CAMTA1: variants seen among roughly 807,000 people sequenced by gnomAD.
CAMTA1 encodes calmodulin-binding transcription activator 1.
In CAMTA1, 27 loss-of-function variants were observed where a neutral mutation model predicts 170.9. The observed-to-expected ratio is 0.16, with a 90% CI of 0.12 to 0.22. CAMTA1 has a LOEUF of 0.22. Among genes scored for constraint, CAMTA1 ranks in the 10% least tolerant of loss-of-function variants. The probability of loss-of-function intolerance (pLI) is 1.00; values close to 1 mark genes in which losing one functional copy is unlikely to be tolerated. For synonymous variants in CAMTA1, 833 were observed against 891.5 expected (o/e 0.93, Z 1.17); for missense variants, 1,619 against 2,217.2 (o/e 0.73, Z 5.42).
chr1:7,363,454 A>G (rs1236317771), intron 5 of CAMTA1, among the ~76,000 whole-genome samples: 1 of 151,962 alleles, frequency 6.6e-6, no homozygotes, highest in Non-Finnish European at 1.5e-5. Flanking sequence ...TCTGGGGGTG[A>G]CCTTTTGTAG....
chr1:7,684,928 G>A (rs553606139), intron 11 of CAMTA1, among the ~76,000 whole-genome samples: 13 of 152,156 alleles, frequency 8.5e-5, no homozygotes, highest in African/African-American at 2.7e-4. Context: ...TGTTGTGCAC[G>A]GGGTTCTGCC....
At chr1:7,432,880 C>T (rs1273077208) in intron 5 of CAMTA1, among the ~76,000 whole-genome samples, 1 of 152,210 alleles carries the variant, frequency 6.6e-6, no homozygotes, top group Non-Finnish European at 1.5e-5. Flanking sequence ...GCTGAGGAGA[C>T]AAGTAGCAGT....
intron 5 of CAMTA1, among the ~76,000 whole-genome samples, chr1:7,282,004 G>T (rs2149459747): frequency 6.6e-6 from 1 of 152,248 alleles, no homozygotes; most frequent in East Asian, 1.9e-4. Context: ...ATGCACAGCT[G>T]CTCCCAAGGA....
chr1:7,414,930 A>G (rs1159939721), intron 5 of CAMTA1, among the ~76,000 whole-genome samples: 1 of 151,616 alleles, frequency 6.6e-6, no homozygotes, highest in Non-Finnish European at 1.5e-5. Flanking sequence ...ACTGCTTTGA[A>G]TGTGTCCCAG....
chr1:6,926,915 G>A (rs1683398486), intron 3 of CAMTA1, among the ~76,000 whole-genome samples: 1 of 150,730 alleles, frequency 6.6e-6, no homozygotes, highest in African/African-American at 2.4e-5. Flanking sequence ...AAATTTTGTA[G>A]AGATGAGGTC....
intron 3 of CAMTA1, among the ~76,000 whole-genome samples, chr1:6,869,368 C>A (rs1475986351): frequency 6.6e-6 from 1 of 152,138 alleles, no homozygotes; most frequent in African/African-American, 2.4e-5. Flanking sequence ...CAGGTTAAAT[C>A]GACAGTTGTC....
intron 4 of CAMTA1, among the ~76,000 whole-genome samples, chr1:7,227,459 C>T (rs1281398815): frequency 1.3e-5 from 2 of 152,270 alleles, no homozygotes; most frequent in East Asian, 3.9e-4. Flanking sequence ...ACCTGAGTAG[C>T]TGGGATTACA....
intron 5 of CAMTA1, among the ~76,000 whole-genome samples, chr1:7,276,086 T>C (rs577495230): frequency 1.1e-3 from 159 of 151,408 alleles, no homozygotes; most frequent in African/African-American, 3.8e-3. Context: ...TGGTTTAACA[T>C]GTGCTAATCA....
At chr1:7,549,245 TA>T (rs1322166601) in intron 6 of CAMTA1, among the ~76,000 whole-genome samples, 1 of 151,304 alleles carries the variant, frequency 6.6e-6, no homozygotes, top group Non-Finnish European at 1.5e-5. Flanking sequence ...GGGTCCCTCT[TA>T]GGGGTGGAGG....
At position 7,064,907 on chromosome 1, in the gene CAMTA1, G is replaced by C. The variant is rs1464065687; in HGVS notation, c.235-26397G>C. 6.6e-6 allele frequency among the ~76,000 whole-genome samples: 1 copy of C among 152,140 alleles called. No individual in the cohort carries two copies. The highest frequency in any genetic ancestry group is 1.5e-5 in the Non-Finnish European group (1 of 68,030). On this transcript the variant is annotated intron_variant, in intron 3 of 22. Transcript: ENST00000303635. The surrounding 1 kb of genome is among the most constrained non-coding windows in gnomAD (Gnocchi z 5.4). ...GCCACTTAGATGAGGATCTGGGAGG[G>C]GAGAAGAAGAGAAGAGGACAGCTTG...
intron 6 of CAMTA1, among the ~76,000 whole-genome samples, chr1:7,630,116 G>A (rs1013112924): frequency 2.6e-5 from 4 of 152,148 alleles, no homozygotes; most frequent in South Asian, 2.1e-4. Context: ...GGGCCCCCAC[G>A]CATACGTGCT....
intron 4 of CAMTA1, among the ~76,000 whole-genome samples, chr1:7,239,566 G>C (rs1021903895): frequency 6.6e-6 from 1 of 150,686 alleles, no homozygotes; most frequent in Non-Finnish European, 1.5e-5. Context: ...ACGATACCAT[G>C]TCCCAGCGCC....
At chr1:6,861,303 T>TA (rs1664603869) in intron 3 of CAMTA1, among the ~76,000 whole-genome samples, 1 of 152,216 alleles carries the variant, frequency 6.6e-6, no homozygotes, top group Non-Finnish European at 1.5e-5. Flanking sequence ...ACATCTCTGT[T>TA]ACTGGTTTCA....
chr1:7,332,910 A>G (rs1413581718), intron 5 of CAMTA1, among the ~76,000 whole-genome samples: 1 of 152,222 alleles, frequency 6.6e-6, no homozygotes, highest in East Asian at 1.9e-4. Flanking sequence ...TGAGAGGTGC[A>G]GGGAAAGCTG....
At chr1:6,902,494 A>G (rs761266867) in intron 3 of CAMTA1, among the ~76,000 whole-genome samples, 8 of 152,188 alleles carry the variant, frequency 5.3e-5, no homozygotes, top group Non-Finnish European at 8.8e-5. Flanking sequence ...GGAAAAGCCA[A>G]AATTGTATGG....
chr1:7,218,336 G>GTT (rs963599632), intron 4 of CAMTA1, among the ~76,000 whole-genome samples: 1 of 151,980 alleles, frequency 6.6e-6, no homozygotes, highest in Non-Finnish European at 1.5e-5. Context: ...TCTCATTTTA[G>GTT]TTTTTTTTCT....
intron 4 of CAMTA1, among the ~76,000 whole-genome samples, chr1:7,223,928 C>T (rs535787223): frequency 2.3e-4 from 35 of 152,110 alleles, no homozygotes; most frequent in East Asian, 3.9e-4. Flanking sequence ...GGATATTTAA[C>T]GAAGGTATCA....
In CAMTA1 at chr1:6,794,880, C is replaced by CTT. The variant is rs1305335139; in HGVS notation, c.45+9313_45+9314dup. Among the ~76,000 whole-genome samples the CTT allele has an allele frequency of 5.3e-3, 753 of 141,646 alleles. 5 individuals are homozygous for CTT. Among genetic ancestry groups the CTT allele is most frequent in the African/African-American group, 0.016 (573 of 36,956 alleles). 92.9% of individuals were successfully genotyped at this position (141,646 alleles called of 152,430 possible). On this transcript the variant is annotated intron_variant, in intron 1 of 22. Transcript: ENST00000303635. The stretch of plus-strand genomic sequence containing the variant: ...TTTATATTACATCATTAGATAAAGG[C>CTT]TTTTTTTTTGTTTTTTTTGTTTTTT...
chr1:7,668,417 A>ACACG (rs2096021209), intron 9 of CAMTA1, among the ~76,000 whole-genome samples: 3 of 143,916 alleles, frequency 2.1e-5, no homozygotes. Context: ...ACACACACAC[A>ACACG]CACACACACA....
Sources: gnomAD v4.1 joint callset for allele counts (sites outside exome capture counted in the v4.1 genomes callset) on GRCh38, gnomAD v4.1.1 for gene constraint, Gnocchi (gnomAD v3.1) non-coding constraint, MANE v1.5 for transcripts, NCBI Gene and HGNC (gene_info 2026-07-23, HGNC 2026-07-21) for gene names.